FOXN2: variants seen among roughly 807,000 people sequenced by gnomAD.
FOXN2 encodes the protein forkhead box N2.
Under a neutral mutation model 41.2 loss-of-function variants are expected in FOXN2, and 19 were observed. That is an observed-to-expected ratio of 0.46 (90% CI 0.32 to 0.68). FOXN2 has a LOEUF of 0.68. Ranked by LOEUF, FOXN2 falls within the 30% of genes least tolerant of loss-of-function variation. The pLI is 0.03. For synonymous variants in FOXN2, 195 were observed against 176.8 expected, an observed-to-expected ratio of 1.10 and a Z score of -0.82; for missense variants, 587 against 509.4, an observed-to-expected ratio of 1.15 and a Z score of -1.47.
At chr2:48,365,486 T>C (rs139041778) in intron 5 of FOXN2, among the ~76,000 whole-genome samples, 25 of 152,370 alleles carry the variant, frequency 1.6e-4, no homozygotes, top group African/African-American at 5.8e-4. Flanking sequence ...TTCTGGAGTT[T>C]ACTTAAATCT....
intron 6 of FOXN2, among the ~76,000 whole-genome samples, chr2:48,373,997 G>T (rs1673073691): frequency 6.7e-6 from 1 of 149,950 alleles, no homozygotes; most frequent in African/African-American, 2.5e-5. Flanking sequence ...GGGGGTTGCA[G>T]TGAGCCATGA....
intron 2 of FOXN2, among the ~76,000 whole-genome samples, chr2:48,337,021 C>T (rs574645589): frequency 6.6e-6 from 1 of 151,666 alleles, no homozygotes; most frequent in African/African-American, 2.4e-5. Context: ...ACTATAGTCA[C>T]CCTATTGTGC....
intron 2 of FOXN2, among the ~76,000 whole-genome samples, chr2:48,341,783 CTGT>C (rs1189769957): frequency 3.3e-5 from 5 of 152,286 alleles, no homozygotes; most frequent in East Asian, 1.9e-4. Flanking sequence ...TCGGGTTCAG[CTGT>C]TGTTGTTTGG....
intron 1 of FOXN2, among the ~76,000 whole-genome samples, chr2:48,320,311 G>A (rs930652735): frequency 6.0e-5 from 9 of 150,174 alleles, no homozygotes; most frequent in Admixed American, 4.6e-4. Flanking sequence ...TTTATTTTGA[G>A]ATGGAGTTGT....
chr2:48,367,256 TTAAAAA>T (rs1400261093), intron 5 of FOXN2, among the ~76,000 whole-genome samples: 6 of 152,182 alleles, frequency 3.9e-5, no homozygotes, highest in African/African-American at 2.4e-5. Context: ...ATTCACCTGT[TTAAAAA>T]TATTACTGAG....
At chr2:48,373,593 T>C (rs1200116774) in intron 6 of FOXN2, among the ~76,000 whole-genome samples, 1 of 152,076 alleles carries the variant, frequency 6.6e-6, no homozygotes, top group African/African-American at 2.4e-5. Flanking sequence ...GAAAAATATA[T>C]TTAGAAAATG....
chr2:48,326,146 G>A (rs999658347), intron 1 of FOXN2, among the ~76,000 whole-genome samples: 2 of 152,044 alleles, frequency 1.3e-5, no homozygotes, highest in Non-Finnish European at 2.9e-5. Context: ...CACCGTGCCC[G>A]GCCTTCTTCT....
rs1017352770 is a variant in FOXN2, at chr2:48,378,063, G to A, written c.*2620G>A. 1.3e-5 allele frequency: 2 copies of A among 152,372 alleles called. No individual in the cohort carries two copies. The highest frequency in any genetic ancestry group is 4.8e-5 in the African/African-American group (2 of 41,440). The allele number at this position is 152,372 out of a possible 1,614,324, so 9.4% of individuals were successfully genotyped here. A position where few individuals can be genotyped will look rare whatever the true frequency, so the allele number is the denominator to read the frequency against. On this transcript the variant is annotated 3_prime_UTR_variant, in exon 7 of 7. Coordinates refer to ENST00000340553, the MANE Select transcript of FOXN2 (RefSeq NM_002158.4). ...ACATATAATTTGCCTTACGTCAAAA[G>A]AATATGTTTTGTTGCAGCTGATTCC...
intron 6 of FOXN2, among the ~76,000 whole-genome samples, chr2:48,374,392 G>C (rs1475484762): frequency 2.0e-5 from 3 of 152,176 alleles, no homozygotes; most frequent in Non-Finnish European, 4.4e-5. Context: ...AAGTAATTGA[G>C]AATGGTGTTA....
At chr2:48,340,935 C>G (rs775155483) in intron 2 of FOXN2, 1 of 152,078 alleles carries the variant, frequency 6.6e-6, no homozygotes, top group African/African-American at 2.4e-5. Context: ...GTGTATAGTA[C>G]ATTTATCTAC....
intron 5 of FOXN2, among the ~76,000 whole-genome samples, chr2:48,370,365 T>C (rs1431443039): frequency 2.0e-5 from 3 of 152,210 alleles, no homozygotes; most frequent in Non-Finnish European, 4.4e-5. Context: ...CTCTTGGATG[T>C]GGCATGTGGG....
chr2:48,341,728 A>G (rs1374295100), intron 2 of FOXN2, among the ~76,000 whole-genome samples: 3 of 152,196 alleles, frequency 2.0e-5, no homozygotes, highest in Non-Finnish European at 4.4e-5. Context: ...TGTGTACCGT[A>G]CTGTCTTTTC....
chr2:48,316,082 TGGTAGCCAG>T (rs929635251), intron 1 of FOXN2, among the ~76,000 whole-genome samples: 2 of 152,120 alleles, frequency 1.3e-5, no homozygotes, highest in African/African-American at 4.8e-5. Flanking sequence ...GAGGTTTCTC[TGGTAGCCAG>T]GGGCTTTGTA....
intron 3 of FOXN2, among the ~76,000 whole-genome samples, chr2:48,352,698 C>T (rs747825651): frequency 6.6e-6 from 1 of 152,156 alleles, no homozygotes; most frequent in African/African-American, 2.4e-5. Flanking sequence ...AGCTAGAAAT[C>T]TGAGTCATCT....
At chr2:48,365,124 A>G (rs537145359) in intron 5 of FOXN2, among the ~76,000 whole-genome samples, 8 of 152,324 alleles carry the variant, frequency 5.3e-5, no homozygotes, top group African/African-American at 1.9e-4. Flanking sequence ...AAAATTTCAG[A>G]TGAAAACCTT....
At chr2:48,359,981 A>G (rs1004701250) in intron 4 of FOXN2, among the ~76,000 whole-genome samples, 1 of 152,094 alleles carries the variant, frequency 6.6e-6, no homozygotes, top group Non-Finnish European at 1.5e-5. Flanking sequence ...TTTGAAAAGT[A>G]TGTTCAAGTC....
intron 1 of FOXN2, among the ~76,000 whole-genome samples, chr2:48,316,228 C>T (rs991474224): frequency 1.3e-5 from 2 of 152,006 alleles, no homozygotes; most frequent in African/African-American, 4.8e-5. Context: ...AGGTGTATAC[C>T]GACGTTTTTT....
At chr2:48,352,681 G>A (rs1671525624) in intron 3 of FOXN2, among the ~76,000 whole-genome samples, 1 of 152,158 alleles carries the variant, frequency 6.6e-6, no homozygotes, top group South Asian at 2.1e-4. Context: ...GGATCTATTT[G>A]GGTCTCAGCT....
At chr2:48,363,910 G>A (rs1230294819) in intron 5 of FOXN2, among the ~76,000 whole-genome samples, 1 of 152,122 alleles carries the variant, frequency 6.6e-6, no homozygotes, top group Non-Finnish European at 1.5e-5. Context: ...ATTAAACAAA[G>A]TATGACTGCA....
Sources: gnomAD v4.1 joint callset for allele counts (sites outside exome capture counted in the v4.1 genomes callset) on GRCh38, gnomAD v4.1.1 for gene constraint, MANE v1.5 for transcripts, NCBI Gene and HGNC (gene_info 2026-07-23, HGNC 2026-07-21) for gene names.